Variants in ADA2 observed in about 807,000 individuals in gnomAD.
ADA2 encodes the protein adenosine deaminase 2.
Under a neutral mutation model 44.2 loss-of-function variants are expected in ADA2, and 29 were observed. The observed-to-expected ratio is 0.66, with a 90% confidence interval of 0.49 to 0.89. The LOEUF is 0.89. Among genes scored for constraint, ADA2 ranks in the 40% least tolerant of loss-of-function variants. The pLI is 0.00. For missense variants in ADA2, 637 were observed against 644.8 expected (o/e 0.99, Z 0.13); for synonymous variants, 215 against 234.9 (o/e 0.92, Z 0.77).
intron 1 of ADA2, among the ~76,000 whole-genome samples, chr22:17,217,132 T>C (rs2062481301): frequency 6.6e-6 from 1 of 151,348 alleles, no homozygotes; most frequent in Non-Finnish European, 1.5e-5. Context: ...AAAAATGAAG[T>C]TAAAGAAAAT....
At position 17,180,043 on chromosome 22, in the gene ADA2, T is replaced by C. The variant is rs1355318728; in HGVS notation, c.*1440A>G. ...TACTCAGGAGGCTGAGGCACGAGAA[T>C]CCGCTTGAACCCGGGAGGTGGAGGT... is the stretch of plus-strand genomic sequence containing the variant. On this transcript the variant is annotated 3_prime_UTR_variant, in exon 10 of 10. Transcript: ENST00000399837. 6.6e-6 allele frequency: 1 copy of C among 152,182 alleles called. No homozygotes were observed. The highest frequency in any genetic ancestry group is 1.5e-5 in the Non-Finnish European group (1 of 68,132). The allele number at this position is 152,182 out of a possible 1,614,324, so 9.4% of individuals were successfully genotyped here.
chr22:17,179,305 A>G lies in ADA2; in HGVS notation c.*2178T>C, dbSNP rs569665746. 1 of 152,372 alleles carries G rather than the reference A, an allele frequency of 6.6e-6. No individual in the cohort carries two copies. Among genetic ancestry groups the G allele is most frequent in the African/African-American group, 2.4e-5 (1 of 41,570 alleles). 9.4% of individuals were successfully genotyped at this position (152,372 alleles called of 1,614,324 possible). A position where few individuals can be genotyped will look rare whatever the true frequency, so the allele number is the denominator to read the frequency against. ...TGAACAGACACAGTGACAGCCACTC[A>G]TTCAATGCATTGTTTATTGAGTACT... is the stretch of plus-strand genomic sequence containing the variant. On this transcript the variant is annotated 3_prime_UTR_variant, in exon 10 of 10. Transcript: ENST00000399837.
At chr22:17,203,523 C>T (rs770783976) in intron 4 of ADA2, 40 bp downstream of exon 4, 4 of 1,523,324 alleles carry the variant, frequency 2.6e-6, no homozygotes, top group Non-Finnish European at 3.6e-6. Flanking sequence ...CAGGCCAGAG[C>T]AAAGGAGGTG....
At chr22:17,198,131 C>A (rs2062217668) in intron 4 of ADA2, among the ~76,000 whole-genome samples, 1 of 152,166 alleles carries the variant, frequency 6.6e-6, no homozygotes, top group African/African-American at 2.4e-5. Flanking sequence ...TTTGCTTGCC[C>A]TGAGTTGTCT....
intron 7 of ADA2, among the ~76,000 whole-genome samples, chr22:17,188,002 G>A (rs1248508702): frequency 6.6e-6 from 1 of 151,882 alleles, no homozygotes; most frequent in Non-Finnish European, 1.5e-5. Flanking sequence ...TACTTGGAAG[G>A]CTGAGGCAGG....
intron 4 of ADA2, chr22:17,192,986 C>A: frequency 1.6e-6 from 1 of 630,092 alleles, no homozygotes; most frequent in Non-Finnish European, 2.9e-6. Context: ...CTGACCAATA[C>A]GTCAAAATTA....
At chr22:17,218,951 G>A (rs889804694) in intron 1 of ADA2, among the ~76,000 whole-genome samples, 32 of 152,290 alleles carry the variant, frequency 2.1e-4, no homozygotes, top group African/African-American at 4.3e-4. Context: ...GACGTCAGTC[G>A]TTCAAGACCA....
At chr22:17,204,620 A>C (rs2062332044) in intron 3 of ADA2, among the ~76,000 whole-genome samples, 1 of 149,714 alleles carries the variant, frequency 6.7e-6, no homozygotes, top group Non-Finnish European at 1.5e-5. Context: ...AAAAAAAAAA[A>C]AGAAGAAGAA....
At chr22:17,204,608 CAAA>C (rs376188550) in intron 3 of ADA2, among the ~76,000 whole-genome samples, 2 of 132,544 alleles carry the variant, frequency 1.5e-5, no homozygotes, top group Non-Finnish European at 1.6e-5. Context: ...AGACTCATCT[CAAA>C]AAAAAAAAAA....
chr22:17,199,424 C>CCCCTCCTCTATCCTCTTCCCCTCCCTT (rs1425777328), intron 4 of ADA2: 8 of 962,284 alleles, frequency 8.3e-6, no homozygotes, highest in South Asian at 7.9e-5. Flanking sequence ...TCTCCTCCCT[C>CCCCTCCTCTATCCTCTTCCCCTCCCTT]CCCTCCTCTA....
chr22:17,194,276 C>T (rs1235019053), intron 4 of ADA2, among the ~76,000 whole-genome samples: 1 of 152,142 alleles, frequency 6.6e-6, no homozygotes, highest in Non-Finnish European at 1.5e-5. Context: ...GGAGTCGGCT[C>T]TTGCCTCTGT....
chr22:17,194,079 AAAG>A (rs369555034), intron 4 of ADA2, among the ~76,000 whole-genome samples: 3 of 152,212 alleles, frequency 2.0e-5, no homozygotes, highest in African/African-American at 7.2e-5. Flanking sequence ...TGACCTCTCA[AAAG>A]AAGAAGCAGT....
At chr22:17,184,545 G>A (rs886996099) in intron 7 of ADA2, among the ~76,000 whole-genome samples, 5 of 152,138 alleles carry the variant, frequency 3.3e-5, no homozygotes, top group African/African-American at 1.2e-4. Flanking sequence ...CTTCTTACGT[G>A]AGATAACAAA....
chr22:17,198,239 G>A (rs1366597546), intron 4 of ADA2, among the ~76,000 whole-genome samples: 5 of 152,150 alleles, frequency 3.3e-5, no homozygotes, highest in Admixed American at 2.0e-4. Context: ...CTCAAGGAGA[G>A]GAAAAATGCC....
intron 4 of ADA2, chr22:17,193,358 CAAAAA>C (rs71200244): frequency 1.8e-4 from 12 of 66,342 alleles, no homozygotes; most frequent in African/African-American, 3.5e-4. Flanking sequence ...GTAAAAACTG[CAAAAA>C]AAAAAAAAAA....
At chr22:17,212,768 G>GCTTT (rs1207636498) in intron 1 of ADA2, among the ~76,000 whole-genome samples, 2 of 150,730 alleles carry the variant, frequency 1.3e-5, no homozygotes, top group Non-Finnish European at 3.0e-5. Flanking sequence ...TCTTTGCTTT[G>GCTTT]CTTTCTTTCT....
At chr22:17,200,691 A>G (rs57967659) in intron 4 of ADA2, among the ~76,000 whole-genome samples, 12,309 of 151,794 alleles carry the variant, frequency 0.081, 555 homozygotes, top group Middle Eastern at 0.15. Context: ...AGACCAGCCT[A>G]GCCAACATGG....
At chr22:17,215,735 G>C (rs1313560124) in intron 1 of ADA2, among the ~76,000 whole-genome samples, 1 of 152,180 alleles carries the variant, frequency 6.6e-6, no homozygotes, top group African/African-American at 2.4e-5. Flanking sequence ...ATGTGTGAGA[G>C]CTAAGGAAGT....
chr22:17,188,256 T>C (rs1335814885), intron 7 of ADA2, 83 bp downstream of exon 7: 1 of 971,164 alleles, frequency 1.0e-6, no homozygotes, highest in Non-Finnish European at 1.6e-6. Flanking sequence ...GCCTGTAGGC[T>C]CTAACCCTGA....
Sources: gnomAD v4.1 joint callset for allele counts (sites outside exome capture counted in the v4.1 genomes callset) on GRCh38, gnomAD v4.1.1 for gene constraint, MANE v1.5 for transcripts, NCBI Gene and HGNC (gene_info 2026-07-23, HGNC 2026-07-21) for gene names.